MED14: variants seen among roughly 807,000 people sequenced by gnomAD.
MED14 encodes the protein mediator complex subunit 14, also known as mediator of RNA polymerase II transcription subunit 14.
In MED14, 8 loss-of-function variants were observed where a neutral mutation model predicts 109.0. The ratio of observed to expected loss-of-function variants is 0.07; its 90% CI spans 0.04 to 0.13. MED14 has a LOEUF of 0.13. Among genes scored for constraint, MED14 ranks in the 10% least tolerant of loss-of-function variants. The probability of loss-of-function intolerance (pLI) is 1.00; values close to 1 mark genes in which losing one functional copy is unlikely to be tolerated. For synonymous variants in MED14, 399 were observed against 408.7 expected, an observed-to-expected ratio of 0.98 and a Z score of 0.29; for missense variants, 711 against 1,142.4, an observed-to-expected ratio of 0.62 and a Z score of 5.44.
intron 10 of MED14, among the ~76,000 whole-genome samples, chrX:40,707,134 T>C (rs904200934): frequency 2.3e-4 from 25 of 109,929 alleles, no homozygotes; most frequent in Admixed American, 4.9e-4. Flanking sequence ...GATAGATAGA[T>C]AGATAGATAG....
At chrX:40,700,522 G>GC (rs751428694) in intron 12 of MED14, among the ~76,000 whole-genome samples, 32 of 109,245 alleles carry the variant, frequency 2.9e-4, no homozygotes, top group African/African-American at 6.7e-4. Flanking sequence ...TTTAGATACC[G>GC]CCCCCCCACC....
intron 1 of MED14, among the ~76,000 whole-genome samples, chrX:40,732,623 TA>T (rs1164571024): frequency 9.3e-6 from 1 of 107,918 alleles, no homozygotes; most frequent in Non-Finnish European, 1.9e-5. Context: ...CTACCAAAAA[TA>T]AAAAAATTAG....
At chrX:40,723,621 G>A (rs1931796984) in intron 3 of MED14, among the ~76,000 whole-genome samples, 1 of 89,788 alleles carries the variant, frequency 1.1e-5, no homozygotes, top group Non-Finnish European at 2.1e-5. Flanking sequence ...GGCCAAGACT[G>A]CGCCACTGCA....
intron 8 of MED14, 115 bp downstream of exon 8, chrX:40,711,054 A>G: frequency 2.3e-6 from 2 of 869,802 alleles, no homozygotes; most frequent in Non-Finnish European, 3.2e-6. Flanking sequence ...ACACAATTCA[A>G]GCTTGTGTTG....
chrX:40,697,288 A>T (rs1443625966), intron 12 of MED14, 105 bp from the exon 13 acceptor site: 1 of 477,351 alleles, frequency 2.1e-6, no homozygotes, highest in African/African-American at 2.4e-5. Flanking sequence ...CAATTAATTG[A>T]AATTTAACTG....
intron 3 of MED14, among the ~76,000 whole-genome samples, chrX:40,722,142 C>T (rs1569298002): frequency 2.7e-5 from 3 of 112,159 alleles, no homozygotes; most frequent in African/African-American, 3.2e-5. Flanking sequence ...CCAGGAGAAA[C>T]AGAGATATGT....
intron 30 of MED14, among the ~76,000 whole-genome samples, chrX:40,652,433 T>G (rs964402059): frequency 7.1e-5 from 8 of 112,070 alleles, no homozygotes; most frequent in African/African-American, 2.6e-4. Context: ...AAAGTTTTAT[T>G]TAATTTTCAT....
At chrX:40,718,626 G>C (rs1931617414) in intron 3 of MED14, among the ~76,000 whole-genome samples, 1 of 111,592 alleles carries the variant, frequency 9.0e-6, no homozygotes. Context: ...TTGAAGCCAG[G>C]AGTTCGAAAC....
chrX:40,673,676 CT>C (rs1454269212), intron 22 of MED14, among the ~76,000 whole-genome samples: 1 of 109,571 alleles, frequency 9.1e-6, no homozygotes, highest in Non-Finnish European at 1.9e-5. Flanking sequence ...GAGAAACCCC[CT>C]CTCTACTAAA....
At chrX:40,722,433 AAAG>A (rs1247286001) in intron 3 of MED14, among the ~76,000 whole-genome samples, 6 of 111,712 alleles carry the variant, frequency 5.4e-5, no homozygotes, top group Non-Finnish European at 3.8e-5. Flanking sequence ...ACAAAAGACA[AAAG>A]AACAAAAAAG....
Position 40,692,718 on chromosome X carries a change from G to A in MED14, c.1835C>T (p.Ala612Val). Residue 612 changes from alanine (A) to valine (V), a missense_variant, in exon 14 of 31, where the codon GCC becomes GTC. By Grantham distance (64) the Ala-to-Val change is moderately conservative (BLOSUM62 0). Transcript: ENST00000324817. The part of the protein sequence containing the change: ...TKTGKQTRTN[A>V]KRKLSDDPCP... ...CATATGGAATCATACCTTGCGCTTG[G>A]CATTGGTTCTGGTCTGTTTCCCGGT... The A allele has an allele frequency of 8.3e-7, 1 of 1,206,859 alleles. No individual in the cohort carries two copies. The highest frequency in any genetic ancestry group is 1.1e-6 in the Non-Finnish European group (1 of 894,111).
At chrX:40,725,816 TG>T (rs756649024) in intron 3 of MED14, among the ~76,000 whole-genome samples, 1 of 111,622 alleles carries the variant, frequency 9.0e-6, no homozygotes, top group African/African-American at 3.3e-5. Flanking sequence ...AACATAGTAC[TG>T]GAAGTCCTAG....
rs1410004824 is a variant in MED14 at position 40,726,866 on chromosome X, A to G, written c.243-15T>C. On this transcript the variant is annotated splice_polypyrimidine_tract_variant and intron_variant, in intron 2 of 30. Coordinates refer to ENST00000324817, the MANE Select transcript of MED14 (RefSeq NM_004229.4). The stretch of plus-strand genomic sequence containing the variant: ...TTTCTATTTTCCTATAAAATAAAAC[A>G]ACTCTTAATGAACCAACATATTAGA... 3.5e-6 allele frequency: 4 copies of G among 1,134,451 alleles called. No individual in the cohort carries two copies. The highest frequency in any genetic ancestry group is 3.6e-5 in the African/African-American group (2 of 56,063). The allele number at this position is 1,134,451 out of a possible 1,213,427, so 93.5% of individuals were successfully genotyped here. A position where few individuals can be genotyped will look rare whatever the true frequency, so the allele number is the denominator to read the frequency against.
At chrX:40,689,691 CA>C (rs1238363515) in intron 15 of MED14, among the ~76,000 whole-genome samples, 61 of 92,740 alleles carry the variant, frequency 6.6e-4, no homozygotes, top group Non-Finnish European at 4.2e-4. Flanking sequence ...AACTCCATTT[CA>C]AAAAAAAAAA....
At chrX:40,725,679 C>T (rs777597552) in intron 3 of MED14, among the ~76,000 whole-genome samples, 1 of 111,566 alleles carries the variant, frequency 9.0e-6, no homozygotes, top group Admixed American at 9.5e-5. Context: ...AGGAACATGC[C>T]TCAACATAAT....
chrX:40,667,650 C>T (rs947649322), intron 23 of MED14, among the ~76,000 whole-genome samples: 3 of 111,959 alleles, frequency 2.7e-5, no homozygotes, highest in Non-Finnish European at 3.8e-5. Context: ...GAGTTTGGAG[C>T]GGAAATCATG....
chrX:40,679,788 A>T, intron 21 of MED14, 76 bp downstream of exon 21: 1 of 1,021,814 alleles, frequency 9.8e-7, no homozygotes, highest in Non-Finnish European at 1.3e-6. Context: ...GCTTTTCCCC[A>T]TTATTTCCCC....
chrX:40,717,409 T>A (rs959386330), intron 3 of MED14, among the ~76,000 whole-genome samples: 3 of 111,830 alleles, frequency 2.7e-5, no homozygotes, highest in Admixed American at 9.4e-5. Flanking sequence ...CCATCAGTTT[T>A]CTACCCAATG....
intron 26 of MED14, among the ~76,000 whole-genome samples, chrX:40,660,088 TA>T (rs200193463): frequency 0.01 from 1,146 of 112,033 alleles, 16 homozygotes; most frequent in African/African-American, 0.035. Context: ...ATACAGAAAT[TA>T]TTTTTTTTAG....
Sources: gnomAD v4.1 joint callset for allele counts (sites outside exome capture counted in the v4.1 genomes callset) on GRCh38, gnomAD v4.1.1 for gene constraint, MANE v1.5 for transcripts, NCBI Gene and HGNC (gene_info 2026-07-23, HGNC 2026-07-21) for gene names.